EPS8L1: variants seen among roughly 807,000 people sequenced by gnomAD.
EPS8L1 encodes EPS8 signaling adaptor L1.
In EPS8L1, 101 loss-of-function variants were observed where a neutral mutation model predicts 91.7. The observed-to-expected ratio is 1.10, with a 90% CI of 0.94 to 1.30. The LOEUF (loss-of-function observed/expected upper bound fraction) is 1.30. EPS8L1 is among the 50% of genes most tolerant of loss of function. The pLI, the probability that EPS8L1 is intolerant of heterozygous loss-of-function variation, is 0.00. For missense variants in EPS8L1, 1,114 were observed against 1,017.0 expected (o/e 1.10, Z -1.30); for synonymous variants, 506 against 445.3 (o/e 1.14, Z -1.72).
At chr19:55,076,926 C>T (rs939895849) in intron 2 of EPS8L1, among the ~76,000 whole-genome samples, 1 of 152,094 alleles carries the variant, frequency 6.6e-6, no homozygotes, top group East Asian at 1.9e-4. Flanking sequence ...GACTCAAGTC[C>T]CCCAGAGTAA....
In EPS8L1 at chr19:55,085,968, C is replaced by CA. The variant is rs1403569411; in HGVS notation, c.1513_1514insA (p.Leu505HisfsTer6). 12 of 1,612,786 alleles carry CA rather than the reference C, an allele frequency of 7.4e-6. No homozygotes were observed. Among genetic ancestry groups the CA allele is most frequent in the Non-Finnish European group, 1.0e-5 (12 of 1,178,932 alleles). On this transcript the variant is annotated frameshift_variant, in exon 15 of 20. Transcript: ENST00000201647. LOFTEE classifies it high-confidence loss of function. Reference sequence around the variant, plus strand: ...GCTGTCGGTCAAGCAGCGGGACGTACTGGAGGTTAGAGGAGCGGGAGGCTG... The same window carrying CA: ...GCTGTCGGTCAAGCAGCGGGACGTACATGGAGGTTAGAGGAGCGGGAGGCTG...
rs1339811843 is a variant in EPS8L1 at position 55,087,889 on chromosome 19, G to A, written c.*275G>A. 1.3e-5 allele frequency: 6 copies of A among 476,190 alleles called. No homozygotes were observed. Among genetic ancestry groups the A allele is most frequent in the East Asian group, 4.0e-5 (1 of 25,072 alleles). The allele number at this position is 476,190 out of a possible 1,614,324, so 29.5% of individuals were successfully genotyped here. A position where few individuals can be genotyped will look rare whatever the true frequency, so the allele number is the denominator to read the frequency against. On this transcript the variant is annotated 3_prime_UTR_variant, in exon 20 of 20. Coordinates refer to ENST00000201647, the MANE Select transcript of EPS8L1 (RefSeq NM_133180.3). ...AGTGGAGCCCTGAGCATTGTAATATGCGGCCCAGCCTATAAACAGCCTCCG... is the reference window on the plus strand; with the variant it reads ...AGTGGAGCCCTGAGCATTGTAATATACGGCCCAGCCTATAAACAGCCTCCG...
In EPS8L1 at chr19:55,086,855, G is replaced by A. The variant is rs769450367; in HGVS notation, c.1919G>A (p.Arg640His). The A allele has an allele frequency of 7.4e-6, 11 of 1,481,286 alleles. No homozygotes were observed. In the African/African-American group the frequency reaches 1.5e-4, roughly 20 times the overall value. The allele number at this position is 1,481,286 out of a possible 1,614,324, so 91.8% of individuals were successfully genotyped here. A position where few individuals can be genotyped will look rare whatever the true frequency, so the allele number is the denominator to read the frequency against. Residue 640 changes from arginine (R) to histidine (H), a missense_variant, in exon 18 of 20, where the codon CGC becomes CAC. Arg to His is a conservative substitution (Grantham distance 29). Transcript: ENST00000201647. ...CCGGGCTCGGACGCCTCCGAGGTCCGCGCCTGGCTGCAGGCCAAGGGCTTT... is the reference window on the plus strand; with the variant it reads ...CCGGGCTCGGACGCCTCCGAGGTCCACGCCTGGCTGCAGGCCAAGGGCTTT... The part of the protein sequence containing the change: ...LSPGSDASEV[R>H]AWLQAKGFSS...
Position 55,081,817 on chromosome 19 carries a change from G to C in EPS8L1, c.819G>C (p.Ser273=), listed in dbSNP as rs765533495. The C allele has an allele frequency of 2.5e-6, 4 of 1,612,784 alleles. No homozygotes were observed. The highest frequency in any genetic ancestry group is 1.3e-5 in the African/African-American group (1 of 74,982). Residue 273 remains serine, a synonymous_variant, in exon 9 of 20, where the codon TCG becomes TCC. Coordinates refer to ENST00000201647, the MANE Select transcript of EPS8L1 (RefSeq NM_133180.3). This position sits in a 1 kb window ranked among gnomAD's most constrained non-coding sequence, Gnocchi z 4.9. The part of the protein sequence containing the change: ...HVFDDVESFV[S]RLQKSAEAAR... ...TCGACGACGTAGAGAGCTTTGTATC[G>C]AGGCTGCAGAAGTCGGCGGAGGCGG...
In EPS8L1 at chr19:55,087,420, G is replaced by A; in HGVS notation, c.2070G>A (p.Gln690=). Residue 690 remains glutamine (Q), a synonymous_variant, in exon 19 of 20, where the codon CAG becomes CAA. Transcript: ENST00000201647. ...GARVYSQVTV[Q]RSLLEDKEKV... ...GTGTGTACAGCCAGGTCACCGTGCA[G>A]CGCTCGCTGCTGGAGGTGAGCCGGA... 1 of 1,614,168 alleles carries A rather than the reference G, an allele frequency of 6.2e-7. No homozygotes were observed. The highest frequency in any genetic ancestry group is 8.5e-7 in the Non-Finnish European group (1 of 1,180,022).
chr19:55,081,870 G>A lies in EPS8L1; in HGVS notation c.872G>A (p.Gly291Asp), dbSNP rs770186711. 5.6e-6 allele frequency: 9 copies of A among 1,607,600 alleles called. No individual in the cohort carries two copies. In the South Asian group the frequency reaches 9.9e-5, roughly 18 times the overall value. The stretch of plus-strand genomic sequence containing the variant: ...AGGGTGCTGGAGCACCGGGAACGCG[G>A]CCGCAGGAGCCGGCGCCGGGCGGCT... ...AARVLEHRERGRRSRRRAAGE... is the reference protein window; with the variant it reads ...AARVLEHRERDRRSRRRAAGE... The change falls in exon 9 of 20, where the codon GGC (glycine) becomes GAC (aspartate). Residue 291 changes from glycine (G) to aspartate (D), a missense_variant. By Grantham distance (94) the Gly-to-Asp change is moderately conservative. Transcript: ENST00000201647. This position sits in a 1 kb window ranked among gnomAD's most constrained non-coding sequence, Gnocchi z 4.9.
In EPS8L1 at chr19:55,081,140, T is replaced by G; in HGVS notation, c.513-91T>G. 7.1e-7 allele frequency: 1 copy of G among 1,402,778 alleles called. No homozygotes were observed. Among genetic ancestry groups the G allele is most frequent in the Non-Finnish European group, 9.3e-7 (1 of 1,070,832 alleles). 86.9% of individuals were successfully genotyped at this position (1,402,778 alleles called of 1,614,324 possible). On this transcript the variant is annotated intron_variant, in intron 7 of 19. Transcript: ENST00000201647. The surrounding 1 kb of genome is among the most constrained non-coding windows in gnomAD (Gnocchi z 4.9). The stretch of plus-strand genomic sequence containing the variant: ...ACTTGTTCACTCCCTTTGAGCCTTT[T>G]GAGCCTGTGTGTCTCGTTCTGCGCC...
intron 5 of EPS8L1, 53 bp downstream of exon 5, chr19:55,079,904 G>C (rs1046199723): frequency 6.5e-7 from 1 of 1,541,178 alleles, no homozygotes; most frequent in African/African-American, 1.4e-5. Flanking sequence ...ACTTCAGGGG[G>C]TCTGGGTGTG....
At position 55,086,056 on chromosome 19, in the gene EPS8L1, C is replaced by T. The variant is rs557189897; in HGVS notation, c.1519-5C>T. 1.9e-6 allele frequency: 3 copies of T among 1,594,710 alleles called. No individual in the cohort carries two copies. Among genetic ancestry groups the T allele is most frequent in the Non-Finnish European group, 2.6e-6 (3 of 1,167,324 alleles). ...TCTGAACCCTCTGTTCTTTACCACA[C>T]CCAGGTCCTGGATGACAGTCGTAAG... On this transcript the variant is annotated splice_polypyrimidine_tract_variant and splice_region_variant and intron_variant, in intron 15 of 19. Coordinates refer to ENST00000201647, the MANE Select transcript of EPS8L1 (RefSeq NM_133180.3).
Position 55,079,728 on chromosome 19 carries a change from G to A in EPS8L1, c.156G>A (p.Val52=). The change falls in exon 5 of 20, where the codon GTG becomes GTA. Residue 52 remains valine, a synonymous_variant. Coordinates refer to ENST00000201647, the MANE Select transcript of EPS8L1 (RefSeq NM_133180.3). ...VTFCLGEDDG[V]HTVEDASRKL... The stretch of plus-strand genomic sequence containing the variant: ...TCTGCCTGGGTGAGGACGATGGCGT[G>A]CATACCGTGGAGGATGCCTCCAGGA... 2.5e-6 allele frequency: 4 copies of A among 1,614,178 alleles called. No individual in the cohort carries two copies. The highest frequency in any genetic ancestry group is 3.3e-5 in the Admixed American group (2 of 60,008).
chr19:55,082,637 G>A (rs2076294991), intron 12 of EPS8L1, 35 bp downstream of exon 12: 3 of 1,533,696 alleles, frequency 2.0e-6, no homozygotes, highest in Non-Finnish European at 1.8e-6. Flanking sequence ...GGGGCATGGT[G>A]ATTGGAGGAG....
chr19:55,085,670 G>T, intron 14 of EPS8L1, 171 bp from the exon 15 acceptor site: 1 of 732,428 alleles, frequency 1.4e-6, no homozygotes, highest in Non-Finnish European at 2.2e-6. Context: ...GCAACGGAGG[G>T]AGCAAATATA....
chr19:55,078,008 G>T, intron 2 of EPS8L1, 80 bp from the exon 3 acceptor site: 1 of 1,216,736 alleles, frequency 8.2e-7, no homozygotes, highest in Non-Finnish European at 1.2e-6. Flanking sequence ...TCGTCATGAA[G>T]CCCTTGCTGC....
chr19:55,083,498 G>A lies in EPS8L1; in HGVS notation c.1335G>A (p.Gln445=), dbSNP rs772550043. The change falls in exon 13 of 20, where the codon CAG becomes CAA. Residue 445 remains glutamine (Q), a synonymous_variant. Transcript: ENST00000201647. This position sits in a 1 kb window ranked among gnomAD's most constrained non-coding sequence, Gnocchi z 4.7. ...AWEDPVEKQL[Q]HERRRRQQSA... is the part of the protein sequence containing the mutation. ...AGGACCCAGTTGAGAAACAGCTACA[G>A]CACGAGCGGAGGCGCCGGCAGGTGA... The A allele has an allele frequency of 9.9e-6, 16 of 1,611,662 alleles. No homozygotes were observed. Among genetic ancestry groups the A allele is most frequent in the African/African-American group, 5.3e-5 (4 of 74,922 alleles).
Position 55,087,652 on chromosome 19 carries a change from G to C in EPS8L1, c.*38G>C. 1 of 1,603,392 alleles carries C rather than the reference G, an allele frequency of 6.2e-7. No individual in the cohort carries two copies. Among genetic ancestry groups the C allele is most frequent in the East Asian group, 2.2e-5 (1 of 44,750 alleles). On this transcript the variant is annotated 3_prime_UTR_variant, in exon 20 of 20. Transcript: ENST00000201647. Reference sequence around the variant, plus strand: ...CCTTCGCAAAGAGTGACGAGGCCCCGTGGGAGAACGGACTCCTCAGACTCT... The same window carrying C: ...CCTTCGCAAAGAGTGACGAGGCCCCCTGGGAGAACGGACTCCTCAGACTCT...
Position 55,077,811 on chromosome 19 carries a change from T to C in EPS8L1, c.18-277T>C, listed in dbSNP as rs568203892. 2.0e-5 allele frequency among the ~76,000 whole-genome samples: 3 copies of C among 151,108 alleles called. No homozygotes were observed. The East Asian group carries it at 5.8e-4, about 29-fold the overall frequency. ...ACCATGTTGGCCAAGATGGTCTCAA[T>C]CTCTTGACTTTGTGATCCGCCCACC... On this transcript the variant is annotated intron_variant, in intron 2 of 19. Transcript: ENST00000201647.
At position 55,081,891 on chromosome 19, in the gene EPS8L1, C is replaced by T. The variant is rs773005274; in HGVS notation, c.893C>T (p.Ala298Val). ...CGCGGCCGCAGGAGCCGGCGCCGGG[C>T]GGCTGGGGGTAAGGGGCACCCTGGC... ...RERGRRSRRR[A>V]AGEGLLTLRA... Residue 298 changes from alanine to valine, a missense_variant, in exon 9 of 20, where the codon GCG (alanine) becomes GTG (valine). Physicochemically the swap from Ala to Val is moderately conservative, Grantham distance 64. Transcript: ENST00000201647. This position sits in a 1 kb window ranked among gnomAD's most constrained non-coding sequence, Gnocchi z 4.9. 1.4e-5 allele frequency: 22 copies of T among 1,607,636 alleles called. No individual in the cohort carries two copies. The highest frequency in any genetic ancestry group is 1.6e-5 in the Non-Finnish European group (19 of 1,176,506).
Position 55,083,545 on chromosome 19 carries a change from G to T in EPS8L1, c.1356+26G>T. The T allele has an allele frequency of 6.9e-6, 11 of 1,604,470 alleles. No individual in the cohort carries two copies. The highest frequency in any genetic ancestry group is 9.4e-6 in the Non-Finnish European group (11 of 1,175,654). ...GTGACCCAAGCGACACAGCAGGGCC[G>T]AGGCTGGGAAGTCCGGGGGCGCGGC... On this transcript the variant is annotated intron_variant, in intron 13 of 19. Coordinates refer to ENST00000201647, the MANE Select transcript of EPS8L1 (RefSeq NM_133180.3). The surrounding 1 kb of genome is among the most constrained non-coding windows in gnomAD (Gnocchi z 4.7).
At chr19:55,085,323 G>A (rs1026772836) in intron 14 of EPS8L1, among the ~76,000 whole-genome samples, 4 of 152,120 alleles carry the variant, frequency 2.6e-5, no homozygotes, top group African/African-American at 9.7e-5. Context: ...GTGCCACCAC[G>A]CCCAGCTAAT....
Sources: gnomAD v4.1 joint callset for allele counts (sites outside exome capture counted in the v4.1 genomes callset) on GRCh38, gnomAD v4.1.1 for gene constraint, Gnocchi (gnomAD v3.1) non-coding constraint, MANE v1.5 for transcripts, NCBI Gene and HGNC (gene_info 2026-07-23, HGNC 2026-07-21) for gene names.